Variants in CELF2 observed in about 807,000 individuals in gnomAD.
CELF2 encodes the protein CUGBP Elav-like family member 2, also known as CUG triplet repeat RNA-binding protein 2.
CELF2 carries 8 observed loss-of-function variants against 62.6 expected under a neutral mutation model. That is an observed-to-expected ratio of 0.13 (90% CI 0.07 to 0.23). The LOEUF (loss-of-function observed/expected upper bound fraction) is 0.23. Among genes scored for constraint, CELF2 ranks in the 10% least tolerant of loss-of-function variants. The pLI is 1.00. For missense variants in CELF2, 333 were observed against 671.0 expected, an observed-to-expected ratio of 0.50 and a Z score of 5.56; for synonymous variants, 258 against 250.0, an observed-to-expected ratio of 1.03 and a Z score of -0.30.
At chr10:10,464,055 G>A in the CELF2 span, among the ~76,000 whole-genome samples, 1 of 151,452 alleles carries the variant, frequency 6.6e-6, no homozygotes, top group Non-Finnish European at 1.5e-5. Context: ...ATTTGGTCTC[G>A]GGTCTCTATA....
At chr10:10,991,360 G>A (rs2053420440) in intron 2 of CELF2, among the ~76,000 whole-genome samples, 1 of 152,176 alleles carries the variant, frequency 6.6e-6, no homozygotes, top group Non-Finnish European at 1.5e-5. Context: ...AGGCCTATGA[G>A]GCACACGCTA....
intron 3 of CELF2, among the ~76,000 whole-genome samples, chr10:11,248,388 A>G (rs2653521): frequency 0.6 from 90,763 of 152,026 alleles, 27,737 homozygotes; most frequent in East Asian, 0.8. Context: ...CCTGTCATGT[A>G]CTGGACATGA....
At chr10:10,789,520 T>C in the CELF2 span, among the ~76,000 whole-genome samples, 195 of 152,300 alleles carry the variant, frequency 1.3e-3, 2 homozygotes, top group African/African-American at 4.6e-3. Flanking sequence ...TATAACATTG[T>C]TTTTAGTTTT....
At chr10:10,748,729 C>T in the CELF2 span, among the ~76,000 whole-genome samples, 1 of 116,304 alleles carries the variant, frequency 8.6e-6, no homozygotes, top group Non-Finnish European at 1.6e-5. Context: ...TCCTGGGTGA[C>T]AGAGCGAGAC....
intron 2 of CELF2, among the ~76,000 whole-genome samples, chr10:11,203,848 C>G (rs2059827777): frequency 6.6e-6 from 1 of 152,198 alleles, no homozygotes; most frequent in Admixed American, 6.5e-5. Flanking sequence ...TCTTATCAAA[C>G]CTAGTGGCCA....
the CELF2 span, among the ~76,000 whole-genome samples, chr10:10,576,174 G>C: frequency 6.6e-6 from 1 of 152,098 alleles, no homozygotes; most frequent in African/African-American, 2.4e-5. Flanking sequence ...TCCCTCTAGG[G>C]AGCTAGAGAC....
intron 1 of CELF2, among the ~76,000 whole-genome samples, chr10:11,086,597 A>G (rs923769316): frequency 6.8e-6 from 1 of 148,088 alleles, no homozygotes; most frequent in Non-Finnish European, 1.5e-5. Context: ...AAAAAAAAAA[A>G]AAAAAAAAAA....
chr10:10,753,868 G>A, the CELF2 span, among the ~76,000 whole-genome samples: 71 of 152,182 alleles, frequency 4.7e-4, no homozygotes, highest in African/African-American at 7.9e-4. Flanking sequence ...GAAACAGGCC[G>A]CATTGCTTAA....
chr10:11,150,121 T>G (rs2063049373), intron 1 of CELF2, among the ~76,000 whole-genome samples: 1 of 152,252 alleles, frequency 6.6e-6, no homozygotes. Flanking sequence ...TCTGTTTCAT[T>G]GTTGTCTTTA....
intron 1 of CELF2, among the ~76,000 whole-genome samples, chr10:11,109,708 T>A (rs1247785629): frequency 6.6e-6 from 1 of 152,210 alleles, no homozygotes; most frequent in East Asian, 1.9e-4. Context: ...TATTCCTGCC[T>A]ATGAAAGTTT....
At chr10:10,884,766 T>A (rs918033535) in intron 1 of CELF2, among the ~76,000 whole-genome samples, 1 of 152,248 alleles carries the variant, frequency 6.6e-6, no homozygotes, top group Non-Finnish European at 1.5e-5. Context: ...AGGGCCCAGC[T>A]AGTTTAGAAG....
At chr10:10,779,601 C>T in the CELF2 span, among the ~76,000 whole-genome samples, 2 of 152,190 alleles carry the variant, frequency 1.3e-5, no homozygotes, top group African/African-American at 2.4e-5. Flanking sequence ...TGACCATGAA[C>T]ATCCAGCGAA....
chr10:10,666,678 C>T, the CELF2 span, among the ~76,000 whole-genome samples: 1 of 82,686 alleles, frequency 1.2e-5, no homozygotes, highest in African/African-American at 5.8e-5. Flanking sequence ...CTGGCTAACA[C>T]GGTGAAACCC....
the CELF2 span, among the ~76,000 whole-genome samples, chr10:10,771,100 T>A: frequency 1.3e-5 from 2 of 152,324 alleles, no homozygotes; most frequent in East Asian, 3.9e-4. Flanking sequence ...ATGTAATTGA[T>A]GTTAGCAATT....
In CELF2 at chr10:11,297,959, G is replaced by A. The variant is rs2093357790; in HGVS notation, c.976+9407G>A. ...ATCACGTCACTGCACTCCAGCCCAG[G>A]TGACAAGAGCAAGGCTCTATCTTAA... On this transcript the variant is annotated intron_variant, in intron 9 of 12. Coordinates refer to ENST00000633077, the MANE Select transcript of CELF2 (RefSeq NM_001326342.2). The surrounding 1 kb of genome is among the most constrained non-coding windows in gnomAD (Gnocchi z 4.4). 6.6e-6 allele frequency among the ~76,000 whole-genome samples: 1 copy of A among 152,254 alleles called. No homozygotes were observed. The highest frequency in any genetic ancestry group is 2.4e-5 in the African/African-American group (1 of 41,474).
At chr10:10,741,581 G>T in the CELF2 span, among the ~76,000 whole-genome samples, 1 of 148,304 alleles carries the variant, frequency 6.7e-6, no homozygotes, top group African/African-American at 2.5e-5. Flanking sequence ...TTTAGAGTTT[G>T]TCTGATGTGC....
At chr10:10,575,252 C>A in the CELF2 span, among the ~76,000 whole-genome samples, 1 of 152,058 alleles carries the variant, frequency 6.6e-6, no homozygotes, top group African/African-American at 2.4e-5. Context: ...CTTATTAACC[C>A]ATTCTTGAAG....
At chr10:10,579,674 T>G in the CELF2 span, among the ~76,000 whole-genome samples, 1 of 152,140 alleles carries the variant, frequency 6.6e-6, no homozygotes, top group Non-Finnish European at 1.5e-5. Flanking sequence ...CCCGGAATAG[T>G]AAAAATATTC....
intron 3 of CELF2, among the ~76,000 whole-genome samples, chr10:11,239,925 C>T (rs2073157684): frequency 6.6e-6 from 1 of 152,044 alleles, no homozygotes; most frequent in African/African-American, 2.4e-5. Context: ...CTGGTGCAGG[C>T]GCCTGTAATC....
Sources: allele counts gnomAD v4.1 joint callset (sites outside exome capture counted in the v4.1 genomes callset), GRCh38; gene constraint gnomAD v4.1.1; non-coding constraint Gnocchi (gnomAD v3.1); transcripts MANE v1.5; gene names NCBI Gene and HGNC (gene_info 2026-07-23, HGNC 2026-07-21).